The following PROM1 variants were observed in gnomAD, a reference collection of about 807,000 sequenced individuals.
PROM1 encodes prominin 1.
A neutral mutation model predicts 116.9 loss-of-function variants in PROM1; 105 were observed. The ratio of observed to expected loss-of-function variants is 0.90; its 90% CI spans 0.77 to 1.06. PROM1 has a LOEUF of 1.06. PROM1 is among the 50% of genes least tolerant of loss of function. PROM1 has a pLI of 0.00. For missense variants in PROM1, 1,122 were observed against 1,045.2 expected (o/e 1.07, Z -1.01); for synonymous variants, 393 against 387.0 (o/e 1.02, Z -0.18).
chr4:16,023,472 C>G (rs1402560927), intron 7 of PROM1, 57 bp from the exon 8 acceptor site: 5 of 1,323,528 alleles, frequency 3.8e-6, no homozygotes, highest in Non-Finnish European at 5.3e-6. Flanking sequence ...CTCTCCACCC[C>G]TCCCTCATTC....
intron 2 of PROM1, among the ~76,000 whole-genome samples, chr4:16,066,577 G>A (rs1741587735): frequency 6.6e-6 from 1 of 152,154 alleles, no homozygotes; most frequent in Admixed American, 6.5e-5. Context: ...CCCAGGCACA[G>A]GCCACCTGTG....
intron 21 of PROM1, 34 bp from the exon 22 acceptor site, chr4:15,985,862 A>C: frequency 6.6e-7 from 1 of 1,515,608 alleles, no homozygotes; most frequent in Non-Finnish European, 9.1e-7. Flanking sequence ...AGAAGCATTA[A>C]AATGATGACA....
chr4:16,000,642 T>C (rs375698606), intron 13 of PROM1, 23 bp from the exon 14 acceptor site: 1 of 1,515,542 alleles, frequency 6.6e-7, no homozygotes, highest in Non-Finnish European at 9.0e-7. Context: ...ATAAAGTTAG[T>C]AATTCAACAA....
rs549339642 is a variant in PROM1 at position 16,051,774 on chromosome 4, G to A, written c.221-12773C>T. Among the ~76,000 whole-genome samples, 113 of 152,320 alleles carry A rather than the reference G, an allele frequency of 7.4e-4. No individual in the cohort carries two copies. In the Middle Eastern group the frequency reaches 0.02, roughly 28 times the overall value. ...CCGAGCAAACTGGAACCAGGTTTCT[G>A]ACCCTGGTTTAATGAGCCCGGCATT... On this transcript the variant is annotated intron_variant, in intron 2 of 27. Transcript: ENST00000447510.
At chr4:16,079,728 G>C (rs1032144519) in intron 1 of PROM1, among the ~76,000 whole-genome samples, 1 of 152,102 alleles carries the variant, frequency 6.6e-6, no homozygotes, top group East Asian at 1.9e-4. Flanking sequence ...TTCAAACAAA[G>C]TTTGAGAACA....
At chr4:16,079,699 C>G (rs765735283) in intron 1 of PROM1, among the ~76,000 whole-genome samples, 3 of 152,114 alleles carry the variant, frequency 2.0e-5, no homozygotes, top group South Asian at 2.1e-4. Context: ...TTTTAACAAG[C>G]TTTCCTGGGG....
intron 26 of PROM1, among the ~76,000 whole-genome samples, chr4:15,974,118 T>TTC (rs35011290): frequency 0.077 from 11,451 of 149,384 alleles, 491 homozygotes; most frequent in Non-Finnish European, 0.089. Context: ...CTCTCTCTCT[T>TTC]TCTCTCTCTC....
At chr4:16,067,066 T>C (rs1314961087) in intron 2 of PROM1, among the ~76,000 whole-genome samples, 1 of 152,190 alleles carries the variant, frequency 6.6e-6, no homozygotes, top group Non-Finnish European at 1.5e-5. Flanking sequence ...AAGTATCTAT[T>C]ATAATCTGCA....
Position 16,044,066 on chromosome 4 carries a change from G to A in PROM1, c.221-5065C>T, listed in dbSNP as rs138160489. Among the ~76,000 whole-genome samples the A allele has an allele frequency of 7.9e-5, 12 of 152,316 alleles. No homozygotes were observed. In the East Asian group the frequency reaches 1.7e-3, roughly 22 times the overall value. On this transcript the variant is annotated intron_variant, in intron 2 of 27. Coordinates refer to ENST00000447510, the MANE Select transcript of PROM1 (RefSeq NM_006017.3). ...AGCAGGAGCTTCTCCAACAGGCTGC[G>A]TGCGTATGTGTGCGATTTATGAGTT...
At chr4:15,975,263 T>G (rs532812988) in intron 26 of PROM1, among the ~76,000 whole-genome samples, 1 of 152,140 alleles carries the variant, frequency 6.6e-6, no homozygotes, top group South Asian at 2.1e-4. Context: ...TCTGTCGTCC[T>G]GGATGGAGTG....
chr4:16,016,391 G>A (rs966818016), intron 9 of PROM1, among the ~76,000 whole-genome samples, 151 bp from the exon 10 acceptor site: 2 of 152,024 alleles, frequency 1.3e-5, no homozygotes, highest in Admixed American at 1.3e-4. Context: ...GTTTTATTTC[G>A]GAAAAACACA....
intron 1 of PROM1, chr4:16,080,011 C>CCAA (rs1744711705): frequency 3.0e-5 from 2 of 65,892 alleles, no homozygotes; most frequent in Non-Finnish European, 5.3e-5. Flanking sequence ...CCTGTCTCTA[C>CCAA]AAAAAAAAAA....
chr4:16,007,633 G>A (rs1725852370), intron 12 of PROM1, among the ~76,000 whole-genome samples: 1 of 152,198 alleles, frequency 6.6e-6, no homozygotes, highest in Non-Finnish European at 1.5e-5. Context: ...TAGAGTTAAA[G>A]GAGCATCTGC....
At chr4:15,973,403 C>T (rs1715166689) in intron 26 of PROM1, among the ~76,000 whole-genome samples, 1 of 152,180 alleles carries the variant, frequency 6.6e-6, no homozygotes, top group South Asian at 2.1e-4. Flanking sequence ...GCTGAGATCA[C>T]ACCACTGCAT....
chr4:16,067,992 T>C (rs1039112472), intron 2 of PROM1, among the ~76,000 whole-genome samples: 3 of 152,044 alleles, frequency 2.0e-5, no homozygotes, highest in African/African-American at 4.8e-5. Flanking sequence ...CTGAAACCTA[T>C]GATGCTGACA....
intron 2 of PROM1, among the ~76,000 whole-genome samples, chr4:16,053,621 T>A (rs574976690): frequency 6.6e-6 from 1 of 152,262 alleles, no homozygotes; most frequent in South Asian, 2.1e-4. Context: ...CACGCTGTGG[T>A]GGGAGGGAAA....
chr4:15,971,057 A>T lies in PROM1; in HGVS notation c.*10T>A. 6.3e-7 allele frequency: 1 copy of T among 1,583,094 alleles called. No individual in the cohort carries two copies. On this transcript the variant is annotated 3_prime_UTR_variant, in exon 27 of 28. Transcript: ENST00000447510. Reference sequence around the variant, plus strand: ...ATCAAACTTACCTCAAGCAGTTTCAACATCAGCTATCAATGTTGTGATGGG... The same window carrying T: ...ATCAAACTTACCTCAAGCAGTTTCATCATCAGCTATCAATGTTGTGATGGG...
intron 2 of PROM1, among the ~76,000 whole-genome samples, chr4:16,041,478 C>T (rs1357259506): frequency 6.6e-6 from 1 of 152,074 alleles, no homozygotes; most frequent in Non-Finnish European, 1.5e-5. Flanking sequence ...ACCATCTTTA[C>T]TTGGAAGAAA....
chr4:16,006,548 A>C lies in PROM1; in HGVS notation c.1444T>G (p.Phe482Val), dbSNP rs779664417. The C allele has an allele frequency of 8.2e-6, 13 of 1,592,034 alleles. No homozygotes were observed. In the South Asian group the frequency reaches 1.5e-4, roughly 18 times the overall value. Reference protein sequence around the residue: ...RGCVSNTGGVFLMVGVGLSFL... With the variant: ...RGCVSNTGGVVLMVGVGLSFL... The stretch of plus-strand genomic sequence containing the variant: ...GGAGCAGACACTCACACCATGAGGA[A>C]GACGCCTCCGGTGTTGGAGACACAG... Residue 482 changes from phenylalanine to valine, a missense_variant, in exon 13 of 28, where the codon TTC becomes GTC. Physicochemically the swap from Phe to Val is conservative, Grantham distance 50 (BLOSUM62 -1). Transcript: ENST00000447510.
Sources: gnomAD v4.1 joint callset for allele counts (sites outside exome capture counted in the v4.1 genomes callset) on GRCh38, gnomAD v4.1.1 for gene constraint, MANE v1.5 for transcripts, NCBI Gene and HGNC (gene_info 2026-07-23, HGNC 2026-07-21) for gene names.